ECE2: variants seen among roughly 807,000 people sequenced by gnomAD.
ECE2 encodes the protein endothelin-converting enzyme 2.
A neutral mutation model predicts 100.6 loss-of-function variants in ECE2; 81 were observed. That is an observed-to-expected ratio of 0.81 (90% CI 0.67 to 0.97). The LOEUF (loss-of-function observed/expected upper bound fraction) is 0.97, where lower values mean the gene tolerates loss of function less well. Among genes scored for constraint, ECE2 ranks in the 50% least tolerant of loss-of-function variants. The pLI is 0.00. For synonymous variants in ECE2, 391 were observed against 391.5 expected (o/e 1.00, Z 0.02); for missense variants, 911 against 988.1 (o/e 0.92, Z 1.05).
intron 7 of ECE2, among the ~76,000 whole-genome samples, chr3:184,280,162 A>G (rs562510340): frequency 6.6e-6 from 1 of 152,262 alleles, no homozygotes; most frequent in East Asian, 1.9e-4. Flanking sequence ...GGGTGTCTCT[A>G]GGAAGAACCA....
At position 184,289,632 on chromosome 3, in the gene ECE2, T is replaced by A; in HGVS notation, c.1474-9T>A. 1 of 1,613,648 alleles carries A rather than the reference T, an allele frequency of 6.2e-7. No individual in the cohort carries two copies. Among genetic ancestry groups the A allele is most frequent in the Non-Finnish European group, 8.5e-7 (1 of 1,179,700 alleles). ...GGAAGGAAACAAACCCTTAACCTGGTCTCTTCAGGCAGATGCCATCTATGA... is the reference window on the plus strand; with the variant it reads ...GGAAGGAAACAAACCCTTAACCTGGACTCTTCAGGCAGATGCCATCTATGA... On this transcript the variant is annotated splice_polypyrimidine_tract_variant and intron_variant, in intron 12 of 18. Transcript: ENST00000404464. This position sits in a 1 kb window ranked among gnomAD's most constrained non-coding sequence, Gnocchi z 4.1.
chr3:184,284,327 G>A (rs540997143), intron 8 of ECE2, among the ~76,000 whole-genome samples: 14 of 152,272 alleles, frequency 9.2e-5, no homozygotes, highest in African/African-American at 2.9e-4. Context: ...TGGATCGCCT[G>A]AGGTTGGGAG....
At chr3:184,290,092 C>T (rs1348740316) in intron 13 of ECE2, among the ~76,000 whole-genome samples, 163 bp from the exon 14 acceptor site, 1 of 152,098 alleles carries the variant, frequency 6.6e-6, no homozygotes, top group Admixed American at 6.6e-5. Context: ...AAACAGCACC[C>T]ATAACATAAA....
At chr3:184,276,305 C>A in intron 1 of ECE2, 113 bp downstream of exon 1, 1 of 1,392,464 alleles carries the variant, frequency 7.2e-7, no homozygotes, top group Non-Finnish European at 9.5e-7. Context: ...AGGCTGCCTC[C>A]CGGGCCTGGT....
intron 10 of ECE2, 141 bp downstream of exon 10, chr3:184,285,733 T>G (rs1721012774): frequency 3.1e-6 from 2 of 647,404 alleles, no homozygotes; most frequent in Non-Finnish European, 5.5e-6. Context: ...CGACTTGCGT[T>G]TCAATCCCAA....
At position 184,276,238 on chromosome 3, in the gene ECE2, G is replaced by A. The variant is rs942706009; in HGVS notation, c.39+46G>A. The A allele has an allele frequency of 1.1e-5, 16 of 1,441,262 alleles. 1 individual carries two copies. The Admixed American group carries it at 4.8e-4, about 43-fold the overall frequency. The allele number at this position is 1,441,262 out of a possible 1,614,324, so 89.3% of individuals were successfully genotyped here. A position where few individuals can be genotyped will look rare whatever the true frequency, so the allele number is the denominator to read the frequency against. On this transcript the variant is annotated intron_variant, in intron 1 of 18. Coordinates refer to ENST00000404464, the MANE Select transcript of ECE2 (RefSeq NM_001100121.2). The stretch of plus-strand genomic sequence containing the variant: ...CCACGGGAGGGGACTGGGTGGAGGG[G>A]GACGAGGCAGAGGGGTCGGCCGCGG...
intron 1 of ECE2, 112 bp from the exon 2 acceptor site, chr3:184,276,369 G>A: frequency 1.4e-6 from 2 of 1,427,650 alleles, no homozygotes; most frequent in Non-Finnish European, 1.9e-6. Flanking sequence ...GGGAAGGGAA[G>A]GGCCCTCTTA....
intron 7 of ECE2, among the ~76,000 whole-genome samples, chr3:184,280,805 C>T (rs1477884711): frequency 6.6e-6 from 1 of 151,960 alleles, no homozygotes; most frequent in Non-Finnish European, 1.5e-5. Context: ...ATGGTGAAAC[C>T]CCATCTCTAC....
rs766243543 is a variant in ECE2 at position 184,277,938 on chromosome 3, CA to C, written c.494del (p.Asn165ThrfsTer31). 6.2e-7 allele frequency: 1 copy of C among 1,612,320 alleles called. No individual in the cohort carries two copies. The highest frequency in any genetic ancestry group is 8.5e-7 in the Non-Finnish European group (1 of 1,179,990). ...LKHLLENTTF[N>X]SSSEAEQKTQ... ...TCTGCCCCACAGAAAACACCACCTTCAACTCCAGCAGTGAAGCTGAGCAGAA... is the reference window on the plus strand; with the variant it reads ...TCTGCCCCACAGAAAACACCACCTTCACTCCAGCAGTGAAGCTGAGCAGAA... On this transcript the variant is annotated frameshift_variant, in exon 5 of 19. Coordinates refer to ENST00000404464, the MANE Select transcript of ECE2 (RefSeq NM_001100121.2). LOFTEE classifies it high-confidence loss of function.
chr3:184,289,790 G>A lies in ECE2; in HGVS notation c.1551+72G>A. 1 of 1,370,996 alleles carries A rather than the reference G, an allele frequency of 7.3e-7. No individual in the cohort carries two copies. Among genetic ancestry groups the A allele is most frequent in the Non-Finnish European group, 1.0e-6 (1 of 1,003,620 alleles). The allele number at this position is 1,370,996 out of a possible 1,614,324, so 84.9% of individuals were successfully genotyped here. A position where few individuals can be genotyped will look rare whatever the true frequency, so the allele number is the denominator to read the frequency against. ...CACTGTTCCCTGGGCTTAGAAATTG[G>A]GGCTCAAGCACTGGGAAAGAGGTGC... is the stretch of plus-strand genomic sequence containing the variant. On this transcript the variant is annotated intron_variant, in intron 13 of 18. Transcript: ENST00000404464. The surrounding 1 kb of genome is among the most constrained non-coding windows in gnomAD (Gnocchi z 4.1).
In ECE2 at chr3:184,291,960, C is replaced by A; in HGVS notation, c.2122-102C>A. On this transcript the variant is annotated intron_variant, in intron 18 of 18. Transcript: ENST00000404464. This position sits in a 1 kb window ranked among gnomAD's most constrained non-coding sequence, Gnocchi z 4.1. ...AGTTTTGGAAGGAACTTGGGAGGGG[C>A]TGCAGCGGTGGTGGTTTGTGCCCCT... 1 of 1,368,438 alleles carries A rather than the reference C, an allele frequency of 7.3e-7. No homozygotes were observed. The highest frequency in any genetic ancestry group is 1.0e-6 in the Non-Finnish European group (1 of 996,502). The allele number at this position is 1,368,438 out of a possible 1,614,324, so 84.8% of individuals were successfully genotyped here.
In ECE2 at chr3:184,276,131, T is replaced by A; in HGVS notation, c.-23T>A. 2 of 1,337,800 alleles carry A rather than the reference T, an allele frequency of 1.5e-6. No individual in the cohort carries two copies. The highest frequency in any genetic ancestry group is 1.9e-6 in the Non-Finnish European group (2 of 1,048,340). The allele number at this position is 1,337,800 out of a possible 1,614,324, so 82.9% of individuals were successfully genotyped here. ...CGGGCCAGCTGCCGGGAGCCCTGAATCACCGCCTGGCCCGACTCCACCATG... is the reference window on the plus strand; with the variant it reads ...CGGGCCAGCTGCCGGGAGCCCTGAAACACCGCCTGGCCCGACTCCACCATG... On this transcript the variant is annotated 5_prime_UTR_variant, in exon 1 of 19. Coordinates refer to ENST00000404464, the MANE Select transcript of ECE2 (RefSeq NM_001100121.2).
In ECE2 at chr3:184,283,794, GC is replaced by G; in HGVS notation, c.828del (p.Tyr277IlefsTer53). The G allele has an allele frequency of 6.2e-7, 1 of 1,613,696 alleles. No homozygotes were observed. The highest frequency in any genetic ancestry group is 1.7e-5 in the Admixed American group (1 of 59,948). On this transcript the variant is annotated frameshift_variant, in exon 8 of 19. Transcript: ENST00000404464. LOFTEE classifies it high-confidence loss of function. ...ACCCGGGCCTTGACAGGTGCTCACT[GC>G]CTATCTGGATTACATGGAGGAACTG... ...NRTANEKVLT[A>X]YLDYMEELGM...
At chr3:184,279,125 C>G (rs1720704584) in intron 7 of ECE2, among the ~76,000 whole-genome samples, 1 of 151,846 alleles carries the variant, frequency 6.6e-6, no homozygotes, top group African/African-American at 2.4e-5. Flanking sequence ...GGCTGACCAA[C>G]AAGGTGAAAC....
intron 7 of ECE2, among the ~76,000 whole-genome samples, chr3:184,281,915 A>G (rs1002085052): frequency 3.9e-5 from 6 of 152,234 alleles, no homozygotes; most frequent in Non-Finnish European, 5.9e-5. Flanking sequence ...CTTGGCCAAC[A>G]TGGCGAAACA....
At position 184,283,931 on chromosome 3, in the gene ECE2, C is replaced by T. The variant is rs151261667; in HGVS notation, c.963C>T (p.Asp321=). The change falls in exon 8 of 19, where the codon GAC becomes GAT. Residue 321 remains aspartate (D), a synonymous_variant. Transcript: ENST00000404464. ...CAGTGCCCCAGGACCAGCGGCGCGA[C>T]GAGGAGAAGATCTACCACAAGATGA... is the stretch of plus-strand genomic sequence containing the variant. ...NITVPQDQRR[D]EEKIYHKMSI... 8.6e-5 allele frequency: 139 copies of T among 1,613,830 alleles called. No homozygotes were observed. The highest frequency in any genetic ancestry group is 1.6e-4 in the East Asian group (7 of 44,836).
In ECE2 at chr3:184,291,514, T is replaced by C. The variant is rs551964917; in HGVS notation, c.2121+75T>C. The C allele has an allele frequency of 4.0e-4, 534 of 1,336,164 alleles. 7 individuals are homozygous for C. In the East Asian group the frequency reaches 0.011, roughly 29 times the overall value. 82.8% of individuals were successfully genotyped at this position (1,336,164 alleles called of 1,614,324 possible). On this transcript the variant is annotated intron_variant, in intron 18 of 18. Transcript: ENST00000404464. This position sits in a 1 kb window ranked among gnomAD's most constrained non-coding sequence, Gnocchi z 4.1. ...CCTGAGTATGTCATTAGGAGAACTC[T>C]GGGGCACGTGTCAAACGGGCTGGTG...
Position 184,291,850 on chromosome 3 carries a change from C to T in ECE2, c.2122-212C>T, listed in dbSNP as rs554046508. On this transcript the variant is annotated intron_variant, in intron 18 of 18. Transcript: ENST00000404464. This position sits in a 1 kb window ranked among gnomAD's most constrained non-coding sequence, Gnocchi z 4.1. ...CAGAGCAAGGACCCAGGCAGAGCCT[C>T]CGCTGGGCAGCCACAGCAGGCAGCT... The T allele has an allele frequency of 1.5e-4, 91 of 595,292 alleles. 1 individual carries two copies. The South Asian group carries it at 2.0e-3, about 13-fold the overall frequency. The allele number at this position is 595,292 out of a possible 1,614,324, so 36.9% of individuals were successfully genotyped here.
chr3:184,280,646 C>A (rs1341364814), intron 7 of ECE2, among the ~76,000 whole-genome samples: 3 of 152,170 alleles, frequency 2.0e-5, no homozygotes, highest in Non-Finnish European at 2.9e-5. Context: ...GAATTTGAGA[C>A]CAGCTGGCCA....
Sources: allele counts gnomAD v4.1 joint callset (sites outside exome capture counted in the v4.1 genomes callset), GRCh38; gene constraint gnomAD v4.1.1; non-coding constraint Gnocchi (gnomAD v3.1); transcripts MANE v1.5; gene names NCBI Gene and HGNC (gene_info 2026-07-23, HGNC 2026-07-21).